ANO10: variants seen among roughly 807,000 people sequenced by gnomAD.
ANO10 encodes the protein anoctamin-10.
In ANO10, 77 loss-of-function variants were observed where a neutral mutation model predicts 74.7. That is an observed-to-expected ratio of 1.03 (90% CI 0.86 to 1.25). The LOEUF is 1.25. Ranked by LOEUF, ANO10 falls within the 50% of genes most tolerant of loss-of-function variation. The pLI is 0.00. For missense variants in ANO10, 721 were observed against 778.1 expected, an observed-to-expected ratio of 0.93 and a Z score of 0.87; for synonymous variants, 279 against 284.9, an observed-to-expected ratio of 0.98 and a Z score of 0.21.
At chr3:43,367,050 G>T in intron 12 of ANO10, 76 bp from the exon 13 acceptor site, 2 of 1,414,608 alleles carry the variant, frequency 1.4e-6, no homozygotes, top group Non-Finnish European at 2.0e-6. Flanking sequence ...CTCTGTGGAA[G>T]CCTGGCCAGC....
intron 1 of ANO10, among the ~76,000 whole-genome samples, chr3:43,683,019 A>G (rs1256402769): frequency 6.6e-6 from 1 of 152,216 alleles, no homozygotes; most frequent in Admixed American, 6.5e-5. Context: ...GAAAACTGGC[A>G]CAAGACAGGG....
intron 1 of ANO10, among the ~76,000 whole-genome samples, chr3:43,663,568 G>T (rs527392497): frequency 7.2e-5 from 11 of 152,278 alleles, no homozygotes; most frequent in Middle Eastern, 3.4e-3. Flanking sequence ...AAGCAATAAA[G>T]GTTTTCAAAT....
chr3:43,553,375 G>A lies in ANO10; in HGVS notation c.1668+1903C>T, dbSNP rs572941861. 5.9e-5 allele frequency among the ~76,000 whole-genome samples: 9 copies of A among 152,040 alleles called. No homozygotes were observed. The East Asian group carries it at 1.4e-3, about 23-fold the overall frequency. On this transcript the variant is annotated intron_variant, in intron 10 of 12. Transcript: ENST00000292246. ...TGCCACATTTAAAAAGTTCTTAGCC[G>A]TTATTTATTCAAGTACTTTTTGGGC...
chr3:43,535,867 T>A (rs2078689744), intron 11 of ANO10, among the ~76,000 whole-genome samples: 1 of 152,164 alleles, frequency 6.6e-6, no homozygotes, highest in Non-Finnish European at 1.5e-5. Flanking sequence ...CCCAAAGACT[T>A]TAAAGATTAT....
chr3:43,605,857 G>T lies in ANO10; in HGVS notation c.-5C>A. 1.2e-6 allele frequency: 2 copies of T among 1,613,186 alleles called. No homozygotes were observed. The highest frequency in any genetic ancestry group is 2.2e-5 in the South Asian group (2 of 91,006). On this transcript the variant is annotated 5_prime_UTR_variant, in exon 2 of 13. Coordinates refer to ENST00000292246, the MANE Select transcript of ANO10 (RefSeq NM_018075.5). ...AGCTGATAAGGTCACTTTCATCTTT[G>T]ACAAATCTGCGGAAAATTAAAATAA...
intron 1 of ANO10, among the ~76,000 whole-genome samples, chr3:43,644,359 G>A (rs62253029): frequency 0.012 from 1,770 of 152,280 alleles, 13 homozygotes; most frequent in Non-Finnish European, 0.019. Context: ...TTGCTGTAAT[G>A]CAGCACACAG....
intron 11 of ANO10, among the ~76,000 whole-genome samples, chr3:43,454,223 G>A (rs2075022941): frequency 6.6e-6 from 1 of 152,152 alleles, no homozygotes; most frequent in African/African-American, 2.4e-5. Context: ...CTGTGTGTCT[G>A]GAATGGATTG....
At chr3:43,668,397 TTTC>T (rs1481714977) in intron 1 of ANO10, among the ~76,000 whole-genome samples, 2 of 152,214 alleles carry the variant, frequency 1.3e-5, no homozygotes, top group East Asian at 3.8e-4. Flanking sequence ...CTGCTGATTA[TTTC>T]TTTTGCTGTG....
At chr3:43,646,532 TTTTG>T (rs1324832320) in intron 1 of ANO10, among the ~76,000 whole-genome samples, 1 of 152,050 alleles carries the variant, frequency 6.6e-6, no homozygotes, top group Admixed American at 6.5e-5. Context: ...AGTCTCTACT[TTTTG>T]TTTGTTTGTT....
At chr3:43,367,944 G>A (rs1444007762) in intron 12 of ANO10, among the ~76,000 whole-genome samples, 1 of 152,178 alleles carries the variant, frequency 6.6e-6, no homozygotes, top group African/African-American at 2.4e-5. Context: ...ACCCAGGGCT[G>A]GAAGCAATAC....
chr3:43,622,120 T>G (rs2083431286), upstream of ANO10: 1 of 150,030 alleles, frequency 6.7e-6, no homozygotes, highest in South Asian at 2.1e-4. Flanking sequence ...CACTGGGCGG[T>G]AGCTCCGGGA....
chr3:43,670,410 T>C (rs886073115), intron 1 of ANO10, among the ~76,000 whole-genome samples: 1 of 152,088 alleles, frequency 6.6e-6, no homozygotes, highest in Non-Finnish European at 1.5e-5. Context: ...AGATTTATGC[T>C]TAAGAGTCTT....
chr3:43,486,349 C>T (rs995602350), intron 11 of ANO10, among the ~76,000 whole-genome samples: 1 of 151,970 alleles, frequency 6.6e-6, no homozygotes, highest in African/African-American at 2.4e-5. Flanking sequence ...TGAAGAAAGG[C>T]ATTGGTAGCT....
At chr3:43,433,128 T>A (rs2148944130) in intron 11 of ANO10, among the ~76,000 whole-genome samples, 1 of 151,910 alleles carries the variant, frequency 6.6e-6, no homozygotes, top group South Asian at 2.1e-4. Flanking sequence ...TATTTTTTAG[T>A]AGAGACGGGG....
Position 43,366,978 on chromosome 3 carries a change from T to G in ANO10, c.1915-4A>C. ...TCTCGGTCACGAGCTTCATTTGCTG[T>G]TAAGAGAAAACAGGACACCAGGTGA... On this transcript the variant is annotated splice_region_variant and splice_polypyrimidine_tract_variant and intron_variant, in intron 12 of 12. Coordinates refer to ENST00000292246, the MANE Select transcript of ANO10 (RefSeq NM_018075.5). 6.3e-7 allele frequency: 1 copy of G among 1,596,570 alleles called. No homozygotes were observed. Among genetic ancestry groups the G allele is most frequent in the Admixed American group, 1.7e-5 (1 of 57,248 alleles).
intron 1 of ANO10, among the ~76,000 whole-genome samples, chr3:43,662,069 A>T (rs2149573356): frequency 6.6e-6 from 1 of 152,344 alleles, no homozygotes; most frequent in African/African-American, 2.4e-5. Flanking sequence ...ATAGACATCT[A>T]CAAAACTCTC....
chr3:43,594,968 G>A (rs1347952604), intron 4 of ANO10, among the ~76,000 whole-genome samples: 1 of 152,208 alleles, frequency 6.6e-6, no homozygotes, highest in African/African-American at 2.4e-5. Context: ...ATTACCATCA[G>A]AGAATACTAT....
chr3:43,454,516 AC>A (rs2075039475), intron 11 of ANO10, among the ~76,000 whole-genome samples: 1 of 152,138 alleles, frequency 6.6e-6, no homozygotes, highest in Non-Finnish European at 1.5e-5. Context: ...CAAAACACAC[AC>A]AAAAAAAGGG....
chr3:43,563,551 C>T (rs2080158525), intron 8 of ANO10, among the ~76,000 whole-genome samples: 1 of 151,990 alleles, frequency 6.6e-6, no homozygotes, highest in African/African-American at 2.4e-5. Context: ...ACCTGCACCC[C>T]CATGTTTACT....
Sources: gnomAD v4.1 joint callset for allele counts (sites outside exome capture counted in the v4.1 genomes callset) on GRCh38, gnomAD v4.1.1 for gene constraint, MANE v1.5 for transcripts, NCBI Gene and HGNC (gene_info 2026-07-23, HGNC 2026-07-21) for gene names.